The following RBM6 variants were observed in gnomAD, a reference collection of about 807,000 sequenced individuals.
RBM6 encodes RNA-binding protein 6.
In RBM6, 23 loss-of-function variants were observed where a neutral mutation model predicts 140.4. That is an observed-to-expected ratio of 0.16 (90% CI 0.12 to 0.23). The LOEUF is 0.23. Among genes scored for constraint, RBM6 ranks in the 10% least tolerant of loss-of-function variants. RBM6 has a pLI of 1.00. For missense variants in RBM6, 1,139 were observed against 1,386.7 expected, an observed-to-expected ratio of 0.82 and a Z score of 2.84; for synonymous variants, 439 against 475.6, an observed-to-expected ratio of 0.92 and a Z score of 1.00.
At chr3:49,962,812 A>G in intron 2 of RBM6, 127 bp downstream of exon 2, 1 of 1,079,048 alleles carries the variant, frequency 9.3e-7, no homozygotes, top group Non-Finnish European at 1.3e-6. Flanking sequence ...AAAAATAGAA[A>G]TTTGGCTGGG....
intron 5 of RBM6, among the ~76,000 whole-genome samples, chr3:49,994,975 C>T (rs1168753702): frequency 6.6e-6 from 1 of 151,918 alleles, no homozygotes; most frequent in Non-Finnish European, 1.5e-5. Context: ...GAAAATTGGG[C>T]CTGTTATAGA....
intron 6 of RBM6, among the ~76,000 whole-genome samples, chr3:50,026,570 A>G (rs1019343295): frequency 6.0e-5 from 9 of 151,138 alleles, no homozygotes; most frequent in African/African-American, 2.2e-4. Flanking sequence ...TAGTAAAGCC[A>G]GAGTCCCAAA....
At chr3:50,049,707 A>G (rs950222919) in intron 7 of RBM6, among the ~76,000 whole-genome samples, 1 of 152,196 alleles carries the variant, frequency 6.6e-6, no homozygotes, top group African/African-American at 2.4e-5. Flanking sequence ...GTGTCATTTT[A>G]GGAAGATATT....
intron 5 of RBM6, among the ~76,000 whole-genome samples, chr3:49,977,017 CTA>C: frequency 6.6e-6 from 1 of 152,314 alleles, no homozygotes; most frequent in East Asian, 1.9e-4. Context: ...TATTACATCT[CTA>C]TGTGACAAAT....
chr3:49,998,250 C>A (rs1268271239), intron 5 of RBM6, among the ~76,000 whole-genome samples: 1 of 152,112 alleles, frequency 6.6e-6, no homozygotes, highest in African/African-American at 2.4e-5. Context: ...TTCTATTGTT[C>A]TAGTTTTGTT....
chr3:50,065,648 G>C (rs2090098417), intron 16 of RBM6: 1 of 456,738 alleles, frequency 2.2e-6, no homozygotes, highest in Non-Finnish European at 4.4e-6. Flanking sequence ...TAACAATAGT[G>C]ACCATGCATT....
chr3:50,066,170 C>A lies in RBM6; in HGVS notation c.2683-72C>A, dbSNP rs2090113487. The A allele has an allele frequency of 2.7e-6, 4 of 1,468,004 alleles. No individual in the cohort carries two copies. The South Asian group carries it at 5.5e-5, about 20-fold the overall frequency. 90.9% of individuals were successfully genotyped at this position (1,468,004 alleles called of 1,614,324 possible). A position where few individuals can be genotyped will look rare whatever the true frequency, so the allele number is the denominator to read the frequency against. On this transcript the variant is annotated intron_variant, in intron 16 of 20. Coordinates refer to ENST00000266022, the MANE Select transcript of RBM6 (RefSeq NM_005777.3). ...ATTCAATGAAATGAGATGCCCATAT[C>A]AGAATATCAAAAAAAATGGACCCCA...
intron 6 of RBM6, among the ~76,000 whole-genome samples, chr3:50,018,606 T>G (rs1027121695): frequency 2.1e-5 from 3 of 142,790 alleles, no homozygotes; most frequent in African/African-American, 7.9e-5. Flanking sequence ...TTTTTTTTTT[T>G]TTTTTGACAC....
intron 5 of RBM6, among the ~76,000 whole-genome samples, chr3:49,997,420 C>T (rs2086136965): frequency 6.6e-6 from 1 of 152,208 alleles, no homozygotes; most frequent in African/African-American, 2.4e-5. Flanking sequence ...TGTCATGAAT[C>T]TTTTCTCTCT....
chr3:49,977,876 G>T (rs182164434), intron 5 of RBM6, among the ~76,000 whole-genome samples: 57 of 152,214 alleles, frequency 3.7e-4, no homozygotes, highest in South Asian at 2.1e-4. Context: ...TAGCTACTTG[G>T]GAGTCTGAGA....
At chr3:49,980,487 C>T (rs192679004) in intron 5 of RBM6, among the ~76,000 whole-genome samples, 28 of 151,636 alleles carry the variant, frequency 1.8e-4, no homozygotes, top group Non-Finnish European at 2.7e-4. Context: ...GGGCCACACG[C>T]GGTGGCTCAC....
At chr3:50,003,308 TAAAA>T (rs61492386) in intron 6 of RBM6, among the ~76,000 whole-genome samples, 63 of 112,762 alleles carry the variant, frequency 5.6e-4, no homozygotes, top group African/African-American at 1.4e-3. Context: ...TGTCTAAATT[TAAAA>T]AAAAAAAAAA....
chr3:49,962,143 C>CA (rs1480188604), intron 1 of RBM6, among the ~76,000 whole-genome samples: 1 of 127,396 alleles, frequency 7.8e-6, no homozygotes, highest in African/African-American at 3.1e-5. Context: ...AGCAAGACTC[C>CA]ATCTCTTAAA....
chr3:50,012,380 T>G (rs1257959348), intron 6 of RBM6, among the ~76,000 whole-genome samples: 1 of 150,986 alleles, frequency 6.6e-6, no homozygotes, highest in East Asian at 2.0e-4. Flanking sequence ...TTTTTTGAGA[T>G]AGAGCCTCAC....
chr3:50,007,538 C>CTT (rs111809952), intron 6 of RBM6, among the ~76,000 whole-genome samples: 3 of 139,720 alleles, frequency 2.1e-5, no homozygotes, highest in African/African-American at 7.8e-5. Context: ...CTTAAATTTT[C>CTT]TTTTTTTTTT....
intron 1 of RBM6, among the ~76,000 whole-genome samples, chr3:49,961,428 C>A (rs930950758): frequency 6.6e-6 from 1 of 152,260 alleles, no homozygotes; most frequent in East Asian, 1.9e-4. Context: ...AGCGGTCTGC[C>A]TGCCTTGGCC....
rs1384478831 is a variant in RBM6 at position 50,075,083 on chromosome 3, G to A, written c.3117-118G>A. 6 of 1,209,588 alleles carry A rather than the reference G, an allele frequency of 5.0e-6. No individual in the cohort carries two copies. The Admixed American group carries it at 1.3e-4, about 26-fold the overall frequency. 74.9% of individuals were successfully genotyped at this position (1,209,588 alleles called of 1,614,324 possible). On this transcript the variant is annotated intron_variant, in intron 19 of 20. Coordinates refer to ENST00000266022, the MANE Select transcript of RBM6 (RefSeq NM_005777.3). ...AGGCAGGAGAATCGCCTGAACCCAG[G>A]AGGCAGAGGTTGCAGTAAGCTGAGT...
intron 1 of RBM6, among the ~76,000 whole-genome samples, chr3:49,957,626 T>C (rs1337650077): frequency 6.6e-6 from 1 of 152,162 alleles, no homozygotes; most frequent in Non-Finnish European, 1.5e-5. Flanking sequence ...AAATCTCTGC[T>C]CCTATCCAGC....
chr3:50,061,691 G>T, intron 14 of RBM6, 144 bp downstream of exon 14: 1 of 1,450,168 alleles, frequency 6.9e-7, no homozygotes, highest in Non-Finnish European at 9.0e-7. Flanking sequence ...GAAAAGTTTA[G>T]ATCTATGGAA....
Sources: allele counts gnomAD v4.1 joint callset (sites outside exome capture counted in the v4.1 genomes callset), GRCh38; gene constraint gnomAD v4.1.1; transcripts MANE v1.5; gene names NCBI Gene and HGNC (gene_info 2026-07-23, HGNC 2026-07-21).